MEI4: variants seen among roughly 807,000 people sequenced by gnomAD.
The protein encoded by MEI4 is meiosis-specific protein MEI4.
A neutral mutation model predicts 31.4 loss-of-function variants in MEI4; 27 were observed. The observed-to-expected ratio is 0.86, with a 90% CI of 0.63 to 1.19. MEI4 has a LOEUF of 1.19. MEI4 is among the 50% of genes most tolerant of loss of function. The probability of loss-of-function intolerance (pLI) is 0.00; values close to 1 mark genes in which losing one functional copy is unlikely to be tolerated. For synonymous variants in MEI4, 122 were observed against 145.4 expected (o/e 0.84, Z 1.16); for missense variants, 329 against 398.9 (o/e 0.82, Z 1.49).
chr6:77,763,119 A>C lies in MEI4; in HGVS notation c.768+1454A>C, dbSNP rs182533587. Among the ~76,000 whole-genome samples the C allele has an allele frequency of 2.0e-5, 3 of 152,184 alleles. No individual in the cohort carries two copies. The East Asian group carries it at 5.8e-4, about 29-fold the overall frequency. On this transcript the variant is annotated intron_variant, in intron 3 of 4. Coordinates refer to ENST00000684080, the MANE Select transcript of MEI4 (RefSeq NM_001322247.2). The stretch of plus-strand genomic sequence containing the variant: ...AGGTTGATATGACTTAAACCTATAC[A>C]AGAGTAGCCTTGGGAATTGTATGGA...
chr6:77,753,236 G>C (rs1455630395), intron 2 of MEI4, among the ~76,000 whole-genome samples: 2 of 152,114 alleles, frequency 1.3e-5, no homozygotes, highest in Non-Finnish European at 2.9e-5. Flanking sequence ...GGCAACAAAA[G>C]CCAAAATAGA....
Position 77,924,249 on chromosome 6 carries a change from T to TTAATGATATGTGA in MEI4, c.*905_*917dup, listed in dbSNP as rs1272209810. On this transcript the variant is annotated 3_prime_UTR_variant, in exon 5 of 5. Coordinates refer to ENST00000684080, the MANE Select transcript of MEI4 (RefSeq NM_001322247.2). ...GAACACAAAATATAAATTTCCTTTA[T>TTAATGATATGTGA]TAATGATATGTGATGGTGTTTCATA... 6.6e-6 allele frequency: 1 copy of TTAATGATATGTGA among 151,880 alleles called. No individual in the cohort carries two copies. The highest frequency in any genetic ancestry group is 2.4e-5 in the African/African-American group (1 of 41,416). 9.4% of individuals were successfully genotyped at this position (151,880 alleles called of 1,614,324 possible). A position where few individuals can be genotyped will look rare whatever the true frequency, so the allele number is the denominator to read the frequency against.
At chr6:77,912,310 C>A (rs770877145) in intron 4 of MEI4, among the ~76,000 whole-genome samples, 2 of 151,948 alleles carry the variant, frequency 1.3e-5, no homozygotes, top group Admixed American at 1.3e-4. Flanking sequence ...GATATTTGGG[C>A]TCCTTTTTGT....
chr6:77,868,744 A>G (rs1011427693), intron 4 of MEI4, among the ~76,000 whole-genome samples: 8 of 151,870 alleles, frequency 5.3e-5, no homozygotes, highest in Non-Finnish European at 1.0e-4. Flanking sequence ...AAAGCTATTA[A>G]GCAACACTCT....
intron 4 of MEI4, among the ~76,000 whole-genome samples, chr6:77,891,559 C>T (rs1771768571): frequency 6.6e-6 from 1 of 151,930 alleles, no homozygotes; most frequent in Admixed American, 6.6e-5. Flanking sequence ...CCTTTGCTCT[C>T]TTGTATCTCA....
intron 1 of MEI4, among the ~76,000 whole-genome samples, chr6:77,679,155 T>A (rs1026583777): frequency 3.3e-5 from 5 of 152,070 alleles, no homozygotes; most frequent in Admixed American, 6.6e-5. Context: ...AAAGAAAAAA[T>A]TTTAAATATA....
intron 2 of MEI4, among the ~76,000 whole-genome samples, chr6:77,714,396 A>G (rs1199408296): frequency 6.6e-6 from 1 of 152,212 alleles, no homozygotes; most frequent in South Asian, 2.1e-4. Flanking sequence ...GAGGTTTTCC[A>G]TAAATTTCAC....
chr6:77,845,288 A>AT (rs1339461950), intron 4 of MEI4, among the ~76,000 whole-genome samples: 1 of 152,114 alleles, frequency 6.6e-6, no homozygotes, highest in African/African-American at 2.4e-5. Flanking sequence ...AGTCTTTCTT[A>AT]TTGTTTCCAA....
chr6:77,884,689 C>A (rs536870209), intron 4 of MEI4, among the ~76,000 whole-genome samples: 2 of 152,168 alleles, frequency 1.3e-5, no homozygotes, highest in East Asian at 3.9e-4. Flanking sequence ...TTTCTAGATT[C>A]TCTATTCTTT....
chr6:77,868,864 AAG>A (rs1771128502), intron 4 of MEI4, among the ~76,000 whole-genome samples: 2 of 152,046 alleles, frequency 1.3e-5, no homozygotes, highest in Non-Finnish European at 2.9e-5. Context: ...AGCAGTGCCC[AAG>A]TGCAGCACAG....
intron 4 of MEI4, among the ~76,000 whole-genome samples, chr6:77,915,316 G>T (rs1766520109): frequency 6.6e-6 from 1 of 151,844 alleles, no homozygotes; most frequent in African/African-American, 2.4e-5. Context: ...TTTCTTGTAG[G>T]GCCAGTCTAA....
Position 77,757,664 on chromosome 6 carries a change from A to T in MEI4, c.233-3466A>T, listed in dbSNP as rs1206801285. On this transcript the variant is annotated intron_variant, in intron 2 of 4. Transcript: ENST00000684080. ...TGAGTTTTTCTTGAAATAATTACAC[A>T]TGAAGTTAAGCTTACCTTTAAGATT... Among the ~76,000 whole-genome samples, 4 of 152,234 alleles carry T rather than the reference A, an allele frequency of 2.6e-5. No individual in the cohort carries two copies. The East Asian group carries it at 7.7e-4, about 29-fold the overall frequency.
chr6:77,735,044 C>T (rs1213155426), intron 2 of MEI4, among the ~76,000 whole-genome samples: 1 of 152,036 alleles, frequency 6.6e-6, no homozygotes, highest in Non-Finnish European at 1.5e-5. Flanking sequence ...GTAACCGTAC[C>T]TTTCTCTCTG....
At chr6:77,874,625 A>G (rs1424407761) in intron 4 of MEI4, among the ~76,000 whole-genome samples, 2 of 152,120 alleles carry the variant, frequency 1.3e-5, no homozygotes, top group Admixed American at 1.3e-4. Flanking sequence ...TGCCCTGGCC[A>G]GAACTTCCAA....
At chr6:77,798,093 G>A (rs780124974) in intron 3 of MEI4, among the ~76,000 whole-genome samples, 10 of 152,012 alleles carry the variant, frequency 6.6e-5, no homozygotes, top group Non-Finnish European at 1.3e-4. Flanking sequence ...CAATAAGTCA[G>A]TACTTACTTG....
At chr6:77,896,899 C>T (rs1766093999) in intron 4 of MEI4, among the ~76,000 whole-genome samples, 1 of 151,946 alleles carries the variant, frequency 6.6e-6, no homozygotes, top group East Asian at 1.9e-4. Flanking sequence ...TACAAAGTAG[C>T]TTAAGAGTTG....
intron 3 of MEI4, among the ~76,000 whole-genome samples, chr6:77,771,453 A>G (rs1404355025): frequency 1.3e-5 from 2 of 152,146 alleles, no homozygotes; most frequent in Non-Finnish European, 2.9e-5. Context: ...ACCCAAAGAA[A>G]TATGAATTAT....
At chr6:77,832,610 A>G (rs1024546818) in intron 4 of MEI4, among the ~76,000 whole-genome samples, 1 of 152,114 alleles carries the variant, frequency 6.6e-6, no homozygotes, top group African/African-American at 2.4e-5. Flanking sequence ...TCTCCTAACT[A>G]CACTAGTAAT....
chr6:77,897,807 C>A (rs1423757472), intron 4 of MEI4, among the ~76,000 whole-genome samples: 1 of 151,894 alleles, frequency 6.6e-6, no homozygotes, highest in East Asian at 1.9e-4. Context: ...ATTCACCAAT[C>A]TATACCCCTC....
Sources: allele counts gnomAD v4.1 joint callset (sites outside exome capture counted in the v4.1 genomes callset), GRCh38; gene constraint gnomAD v4.1.1; transcripts MANE v1.5; gene names NCBI Gene and HGNC (gene_info 2026-07-23, HGNC 2026-07-21).